The following BARX2 variants were observed in gnomAD, a reference collection of about 807,000 sequenced individuals.
The protein encoded by BARX2 is homeobox protein BarH-like 2.
In BARX2, 11 loss-of-function variants were observed where a neutral mutation model predicts 25.5. That is an observed-to-expected ratio of 0.43 (90% CI 0.27 to 0.71). BARX2 has a LOEUF of 0.71. Ranked by LOEUF, BARX2 falls within the 30% of genes least tolerant of loss-of-function variation. BARX2 has a pLI of 0.19. For synonymous variants in BARX2, 137 were observed against 149.5 expected, an observed-to-expected ratio of 0.92 and a Z score of 0.61; for missense variants, 360 against 359.9, an observed-to-expected ratio of 1.00 and a Z score of 0.00.
intron 1 of BARX2, among the ~76,000 whole-genome samples, chr11:129,388,113 G>GTC: frequency 1.3e-5 from 2 of 152,014 alleles, no homozygotes; most frequent in Non-Finnish European, 2.9e-5. Context: ...GTGTGTGTGT[G>GTC]TGTGTAGATA....
intron 3 of BARX2, 55 bp downstream of exon 3, chr11:129,442,974 C>A: frequency 1.3e-6 from 2 of 1,518,870 alleles, no homozygotes; most frequent in Non-Finnish European, 1.8e-6. Flanking sequence ...ACTTTTACTC[C>A]AGGGCTGTTG....
chr11:129,416,992 C>G (rs1482516472), intron 1 of BARX2, among the ~76,000 whole-genome samples: 1 of 151,890 alleles, frequency 6.6e-6, no homozygotes, highest in Non-Finnish European at 1.5e-5. Flanking sequence ...AGCTCCGCCT[C>G]CCGGGTTCAC....
intron 1 of BARX2, among the ~76,000 whole-genome samples, chr11:129,401,870 C>T (rs1488063315): frequency 2.6e-5 from 4 of 151,576 alleles, no homozygotes; most frequent in African/African-American, 7.3e-5. Flanking sequence ...GTGAGAGAAT[C>T]GCTTGAACCC....
rs1166467118 is a variant in BARX2 at position 129,376,479 on chromosome 11, C to G, written c.187+257C>G. Among the ~76,000 whole-genome samples the G allele has an allele frequency of 1.3e-5, 2 of 152,230 alleles. No individual in the cohort carries two copies. Among genetic ancestry groups the G allele is most frequent in the African/African-American group, 4.8e-5 (2 of 41,464 alleles). On this transcript the variant is annotated intron_variant, in intron 1 of 3. Coordinates refer to ENST00000281437, the MANE Select transcript of BARX2 (RefSeq NM_003658.5). This position sits in a 1 kb window ranked among gnomAD's most constrained non-coding sequence, Gnocchi z 4.2. ...GCTCGCGCAACGCCTGATTGTCCTGCTCGGAGGAGAACGCTTCCTCGTTTC... is the reference window on the plus strand; with the variant it reads ...GCTCGCGCAACGCCTGATTGTCCTGGTCGGAGGAGAACGCTTCCTCGTTTC...
intron 1 of BARX2, among the ~76,000 whole-genome samples, chr11:129,405,678 A>G (rs991939284): frequency 2.6e-5 from 4 of 152,242 alleles, no homozygotes; most frequent in South Asian, 2.1e-4. Flanking sequence ...TCGGGAGAAC[A>G]TAGAAGAAAT....
intron 3 of BARX2, among the ~76,000 whole-genome samples, chr11:129,443,292 T>G (rs1276611908): frequency 1.3e-5 from 2 of 152,172 alleles, no homozygotes; most frequent in African/African-American, 4.8e-5. Flanking sequence ...TCATCTACAT[T>G]AGGTATTTCT....
At chr11:129,431,115 C>G (rs574202475) in intron 1 of BARX2, among the ~76,000 whole-genome samples, 1 of 152,266 alleles carries the variant, frequency 6.6e-6, no homozygotes, top group Admixed American at 6.5e-5. Context: ...ACCACCTCGG[C>G]CTCCCAGTGT....
intron 1 of BARX2, among the ~76,000 whole-genome samples, chr11:129,421,816 A>G (rs966016442): frequency 2.0e-5 from 3 of 150,584 alleles, no homozygotes; most frequent in Admixed American, 1.3e-4. Context: ...CTTTTCCTCT[A>G]TTTTCTCTAC....
intron 1 of BARX2, among the ~76,000 whole-genome samples, chr11:129,389,764 G>A (rs144495795): frequency 0.017 from 2,521 of 144,186 alleles, 62 homozygotes; most frequent in African/African-American, 0.059. Flanking sequence ...TCTTATTTTC[G>A]AGCACTGAGA....
intron 1 of BARX2, among the ~76,000 whole-genome samples, chr11:129,413,130 T>TA (rs1361290240): frequency 6.6e-6 from 1 of 152,232 alleles, no homozygotes; most frequent in African/African-American, 2.4e-5. Context: ...AAAAAGTGAA[T>TA]AATGGGTACA....
intron 1 of BARX2, among the ~76,000 whole-genome samples, chr11:129,410,623 A>G (rs1413621286): frequency 6.6e-6 from 1 of 152,202 alleles, no homozygotes; most frequent in Non-Finnish European, 1.5e-5. Flanking sequence ...AGGCCTCCCT[A>G]TAGGGTCCAG....
At chr11:129,404,993 A>G (rs531089595) in intron 1 of BARX2, among the ~76,000 whole-genome samples, 1 of 152,330 alleles carries the variant, frequency 6.6e-6, no homozygotes, top group Non-Finnish European at 1.5e-5. Context: ...ATGCAAAAAT[A>G]TGTGGGTTAT....
At chr11:129,421,157 C>T (rs1343300090) in intron 1 of BARX2, among the ~76,000 whole-genome samples, 4 of 152,076 alleles carry the variant, frequency 2.6e-5, no homozygotes, top group East Asian at 3.9e-4. Context: ...GTTTGCGAAC[C>T]GATGTGCATT....
intron 1 of BARX2, among the ~76,000 whole-genome samples, chr11:129,392,732 C>A (rs1422007435): frequency 6.6e-6 from 1 of 152,012 alleles, no homozygotes; most frequent in African/African-American, 2.4e-5. Context: ...GGGCCTCAGC[C>A]TCCTGAGTAG....
chr11:129,442,776 C>CTG (rs1273116656), intron 2 of BARX2, 59 bp from the exon 3 acceptor site: 1 of 1,426,808 alleles, frequency 7.0e-7, no homozygotes, highest in Admixed American at 1.7e-5. Flanking sequence ...CAGCAGGATC[C>CTG]CATCTCTCCT....
intron 1 of BARX2, among the ~76,000 whole-genome samples, chr11:129,434,115 G>T (rs963742449): frequency 5.0e-5 from 7 of 138,908 alleles, no homozygotes; most frequent in Admixed American, 7.1e-5. Context: ...TATAAAGGCA[G>T]ACAAAAAAAA....
intron 1 of BARX2, among the ~76,000 whole-genome samples, chr11:129,411,757 A>G (rs913696075): frequency 2.6e-5 from 4 of 152,226 alleles, no homozygotes; most frequent in Admixed American, 2.0e-4. Context: ...CCACAGGCCA[A>G]TTAAATTAGA....
In BARX2 at chr11:129,375,974, GC is replaced by G; in HGVS notation, c.-58del. ...GCCCCGCCGTCGCGCCAGCCCCGCG[GC>G]CCCAGCGGGCCGGGCACTCGCAGCC... On this transcript the variant is annotated 5_prime_UTR_variant, in exon 1 of 4. Coordinates refer to ENST00000281437, the MANE Select transcript of BARX2 (RefSeq NM_003658.5). This position sits in a 1 kb window ranked among gnomAD's most constrained non-coding sequence, Gnocchi z 4.0. 9 of 1,042,056 alleles carry G rather than the reference GC, an allele frequency of 8.6e-6. No homozygotes were observed. Among genetic ancestry groups the G allele is most frequent in the Non-Finnish European group, 1.0e-5 (9 of 859,632 alleles). The allele number at this position is 1,042,056 out of a possible 1,614,324, so 64.6% of individuals were successfully genotyped here.
chr11:129,406,038 AAG>A (rs1338937895), intron 1 of BARX2, among the ~76,000 whole-genome samples: 1 of 152,226 alleles, frequency 6.6e-6, no homozygotes, highest in Non-Finnish European at 1.5e-5. Flanking sequence ...TTCCTGGACA[AAG>A]AGGTTTTTTT....
Sources: allele counts gnomAD v4.1 joint callset (sites outside exome capture counted in the v4.1 genomes callset), GRCh38; gene constraint gnomAD v4.1.1; non-coding constraint Gnocchi (gnomAD v3.1); transcripts MANE v1.5; gene names NCBI Gene and HGNC (gene_info 2026-07-23, HGNC 2026-07-21).